Variants in TMTC2 observed in about 807,000 individuals in gnomAD.
TMTC2 encodes the protein protein O-mannosyl-transferase TMTC2.
In TMTC2, 43 loss-of-function variants were observed where a neutral mutation model predicts 82.4. The ratio of observed to expected loss-of-function variants is 0.52; its 90% CI spans 0.41 to 0.67. The LOEUF (loss-of-function observed/expected upper bound fraction) is 0.67, where lower values mean the gene tolerates loss of function less well. Among genes scored for constraint, TMTC2 ranks in the 30% least tolerant of loss-of-function variants. TMTC2 has a pLI of 0.00. For missense variants in TMTC2, 919 were observed against 1,012.4 expected (o/e 0.91, Z 1.25); for synonymous variants, 408 against 381.9 (o/e 1.07, Z -0.80).
intron 4 of TMTC2, among the ~76,000 whole-genome samples, chr12:82,940,899 A>T (rs1396805877): frequency 2.6e-5 from 4 of 152,006 alleles, no homozygotes; most frequent in African/African-American, 9.7e-5. Flanking sequence ...CATTTGTGAT[A>T]GTATGTGCCT....
At chr12:83,127,583 T>C (rs892978644) in intron 11 of TMTC2, among the ~76,000 whole-genome samples, 2 of 152,160 alleles carry the variant, frequency 1.3e-5, no homozygotes, top group African/African-American at 4.8e-5. Context: ...CTGATCCCAG[T>C]AGAAACATGG....
intron 1 of TMTC2, among the ~76,000 whole-genome samples, chr12:82,748,115 C>CCTGG (rs1403634363): frequency 2.0e-5 from 3 of 151,928 alleles, no homozygotes; most frequent in Non-Finnish European, 4.4e-5. Context: ...TTGAGACCAT[C>CCTGG]CTGGCTAACA....
chr12:82,713,866 C>T (rs1013042369), intron 1 of TMTC2, among the ~76,000 whole-genome samples: 2 of 152,210 alleles, frequency 1.3e-5, no homozygotes, highest in Non-Finnish European at 2.9e-5. Flanking sequence ...GCTCCACTGG[C>T]TCTGAAACTT....
intron 1 of TMTC2, among the ~76,000 whole-genome samples, chr12:82,804,000 AC>A (rs1378503970): frequency 2.0e-5 from 3 of 151,944 alleles, no homozygotes; most frequent in Admixed American, 1.3e-4. Flanking sequence ...GTTGCTGCAG[AC>A]CCCTATGGAT....
chr12:83,061,734 A>G lies in TMTC2; in HGVS notation c.2268-34A>G, dbSNP rs780238688. The G allele has an allele frequency of 1.0e-5, 16 of 1,526,276 alleles. No homozygotes were observed. The East Asian group carries it at 2.2e-4, about 21-fold the overall frequency. 94.5% of individuals were successfully genotyped at this position (1,526,276 alleles called of 1,614,324 possible). A position where few individuals can be genotyped will look rare whatever the true frequency, so the allele number is the denominator to read the frequency against. On this transcript the variant is annotated intron_variant, in intron 10 of 11. Coordinates refer to ENST00000321196, the MANE Select transcript of TMTC2 (RefSeq NM_152588.3). ...GATCCTATTTGTAATTCTAAAATAT[A>G]TGATATAGTTTTATTTTATTTTTTC...
intron 1 of TMTC2, among the ~76,000 whole-genome samples, chr12:82,788,628 T>G (rs1878301183): frequency 6.6e-6 from 1 of 152,166 alleles, no homozygotes; most frequent in South Asian, 2.1e-4. Context: ...TTACTTACCT[T>G]TCTCTCCCTC....
rs2137495387 is a variant in TMTC2, at chr12:83,075,456, C to T, written c.2331+13625C>T. ...AAATGATGTGAGGTAAATTGACAGACACACCCCTCCCCCCAAAATAGGTTT... is the reference window on the plus strand; with the variant it reads ...AAATGATGTGAGGTAAATTGACAGATACACCCCTCCCCCCAAAATAGGTTT... On this transcript the variant is annotated intron_variant, in intron 11 of 11. Coordinates refer to ENST00000321196, the MANE Select transcript of TMTC2 (RefSeq NM_152588.3). Among the ~76,000 whole-genome samples, 2 of 152,244 alleles carry T rather than the reference C, an allele frequency of 1.3e-5. 1 individual carries two copies. Among genetic ancestry groups the T allele is most frequent in the South Asian group, 4.1e-4 (2 of 4,820 alleles).
At chr12:82,773,101 C>A (rs183729735) in intron 1 of TMTC2, among the ~76,000 whole-genome samples, 2 of 152,074 alleles carry the variant, frequency 1.3e-5, no homozygotes, top group East Asian at 3.9e-4. Flanking sequence ...AAAATGGATC[C>A]CAAGTGAAAA....
At chr12:82,722,601 G>A (rs1399494236) in intron 1 of TMTC2, among the ~76,000 whole-genome samples, 1 of 150,242 alleles carries the variant, frequency 6.7e-6, no homozygotes, top group Non-Finnish European at 1.5e-5. Flanking sequence ...AATTAGCCGG[G>A]CATGGTGGTG....
Position 82,722,958 on chromosome 12 carries a change from T to C in TMTC2, c.83+35289T>C, listed in dbSNP as rs565887224. The stretch of plus-strand genomic sequence containing the variant: ...ATTTCAACCTTTCTGCCTCAAGTTA[T>C]TGTCATTGGGATTTAACATGTTCCA... On this transcript the variant is annotated intron_variant, in intron 1 of 11. Coordinates refer to ENST00000321196, the MANE Select transcript of TMTC2 (RefSeq NM_152588.3). Among the ~76,000 whole-genome samples the C allele has an allele frequency of 9.2e-5, 14 of 152,342 alleles. 1 individual carries two copies. In the South Asian group the frequency reaches 1.9e-3, roughly 20 times the overall value.
chr12:83,032,324 G>C (rs1881474893), intron 9 of TMTC2, among the ~76,000 whole-genome samples: 2 of 142,434 alleles, frequency 1.4e-5, no homozygotes, highest in South Asian at 4.4e-4. Flanking sequence ...TCTTTAAACA[G>C]TATCATTGCT....
intron 7 of TMTC2, among the ~76,000 whole-genome samples, chr12:82,982,022 A>T (rs542787643): frequency 0.018 from 2,675 of 149,254 alleles, 75 homozygotes; most frequent in African/African-American, 0.061. Flanking sequence ...TTTTTTTTTT[A>T]AATCTTGAGT....
chr12:82,798,731 C>T (rs970872635), intron 1 of TMTC2, among the ~76,000 whole-genome samples: 10 of 144,828 alleles, frequency 6.9e-5, no homozygotes, highest in Non-Finnish European at 1.2e-4. Context: ...CGCTTGAACC[C>T]GGAAGGCGGA....
chr12:82,971,084 G>A (rs1300351462), intron 7 of TMTC2, among the ~76,000 whole-genome samples: 5 of 152,038 alleles, frequency 3.3e-5, no homozygotes, highest in Admixed American at 3.3e-4. Flanking sequence ...ATCATAGAAT[G>A]TTAAAGATGG....
intron 1 of TMTC2, among the ~76,000 whole-genome samples, chr12:82,743,988 G>C (rs918389549): frequency 6.6e-5 from 10 of 152,148 alleles, no homozygotes; most frequent in Admixed American, 3.3e-4. Flanking sequence ...AGAAAGGAGG[G>C]GGGTGCTGGG....
chr12:82,792,450 G>A (rs918908420), intron 1 of TMTC2, among the ~76,000 whole-genome samples: 9 of 151,700 alleles, frequency 5.9e-5, no homozygotes, highest in Non-Finnish European at 1.2e-4. Flanking sequence ...TCTCCTCAAT[G>A]GTTTTTTGTT....
chr12:82,922,779 C>T (rs1231572741), intron 3 of TMTC2, among the ~76,000 whole-genome samples: 1 of 152,038 alleles, frequency 6.6e-6, no homozygotes, highest in African/African-American at 2.4e-5. Flanking sequence ...TATGACAATG[C>T]ATTCCTTTTT....
At chr12:82,952,627 C>T (rs1352139521) in intron 4 of TMTC2, among the ~76,000 whole-genome samples, 1 of 152,112 alleles carries the variant, frequency 6.6e-6, no homozygotes, top group Non-Finnish European at 1.5e-5. Flanking sequence ...CTCACTGCAG[C>T]CTCTGACTCC....
At position 82,985,938 on chromosome 12, in the gene TMTC2, G is replaced by A. The variant is rs1480624681; in HGVS notation, c.1962G>A (p.Met654Ile). 5.6e-6 allele frequency: 9 copies of A among 1,613,464 alleles called. No homozygotes were observed. ...SLYNMMGEAY[M>I]RLSKLPEAEH... is the part of the protein sequence containing the mutation. ...TTCTCTTTCCAGGTGAAGCATATATGCGTTTAAGCAAACTCCCCGAAGCAG... is the reference window on the plus strand; with the variant it reads ...TTCTCTTTCCAGGTGAAGCATATATACGTTTAAGCAAACTCCCCGAAGCAG... The change falls in exon 8 of 12, where the codon ATG (methionine) becomes ATA (isoleucine). Residue 654 changes from methionine (M) to isoleucine (I), a missense_variant. By Grantham distance (10) the Met-to-Ile change is conservative (BLOSUM62 1). Transcript: ENST00000321196.
Sources: allele counts gnomAD v4.1 joint callset (sites outside exome capture counted in the v4.1 genomes callset), GRCh38; gene constraint gnomAD v4.1.1; transcripts MANE v1.5; gene names NCBI Gene and HGNC (gene_info 2026-07-23, HGNC 2026-07-21).